The following RBMS1 variants were observed in gnomAD, a reference collection of about 807,000 sequenced individuals.
RBMS1 encodes the protein RNA-binding motif, single-stranded-interacting protein 1.
RBMS1 carries 17 observed loss-of-function variants against 62.3 expected under a neutral mutation model. The observed-to-expected ratio is 0.27, with a 90% CI of 0.19 to 0.41. RBMS1 has a LOEUF of 0.41. Among genes scored for constraint, RBMS1 ranks in the 10% least tolerant of loss-of-function variants. RBMS1 has a pLI of 1.00. For synonymous variants in RBMS1, 172 were observed against 170.0 expected (o/e 1.01, Z -0.09); for missense variants, 334 against 504.5 (o/e 0.66, Z 3.24).
intron 1 of RBMS1, among the ~76,000 whole-genome samples, chr2:160,383,005 A>C (rs547870862): frequency 6.6e-6 from 1 of 152,322 alleles, no homozygotes; most frequent in African/African-American, 2.4e-5. Flanking sequence ...CTGTACATGG[A>C]CATGAACCTA....
At chr2:160,424,370 G>GGC (rs1553522159) in intron 1 of RBMS1, among the ~76,000 whole-genome samples, 3 of 148,650 alleles carry the variant, frequency 2.0e-5, no homozygotes, top group African/African-American at 7.6e-5. Context: ...GAGATTGGGG[G>GGC]GGGGGGGAAA....
intron 1 of RBMS1, among the ~76,000 whole-genome samples, chr2:160,383,441 T>A (rs541602673): frequency 2.5e-5 from 2 of 79,658 alleles, no homozygotes; most frequent in African/African-American, 8.8e-5. Context: ...GGGGTTCTGG[T>A]TAGACATGAA....
At chr2:160,465,953 G>C (rs1469726684) in intron 1 of RBMS1, among the ~76,000 whole-genome samples, 1 of 151,558 alleles carries the variant, frequency 6.6e-6, no homozygotes. Context: ...CTTCCACACA[G>C]CCTCCCTGTC....
chr2:160,479,995 A>G (rs748347224), intron 1 of RBMS1, among the ~76,000 whole-genome samples: 1 of 152,196 alleles, frequency 6.6e-6, no homozygotes, highest in Admixed American at 6.5e-5. Flanking sequence ...ACATATATAT[A>G]TAAGATTTTT....
intron 2 of RBMS1, among the ~76,000 whole-genome samples, chr2:160,330,337 C>T (rs540139539): frequency 6.6e-6 from 1 of 152,236 alleles, no homozygotes; most frequent in South Asian, 2.1e-4. Flanking sequence ...TAGCTCTGTT[C>T]TTGGCCAGCA....
intron 1 of RBMS1, among the ~76,000 whole-genome samples, chr2:160,391,849 ATGCT>A (rs751511331): frequency 1.4e-4 from 22 of 152,048 alleles, no homozygotes; most frequent in Non-Finnish European, 2.5e-4. Context: ...GTGGTGGCAC[ATGCT>A]TGTAGTCTCA....
chr2:160,420,311 G>C (rs888967336), intron 1 of RBMS1, among the ~76,000 whole-genome samples: 13 of 152,080 alleles, frequency 8.5e-5, no homozygotes, highest in Non-Finnish European at 1.3e-4. Context: ...GCTTTGCCAG[G>C]AAACAGCCTC....
chr2:160,474,509 C>T, intron 1 of RBMS1, among the ~76,000 whole-genome samples: 1 of 152,146 alleles, frequency 6.6e-6, no homozygotes, highest in African/African-American at 2.4e-5. Flanking sequence ...AGAAACACCA[C>T]CTCTCAATAG....
chr2:160,301,337 A>G (rs772901956), intron 5 of RBMS1, among the ~76,000 whole-genome samples: 6 of 152,192 alleles, frequency 3.9e-5, no homozygotes, highest in South Asian at 2.1e-4. Context: ...GTCAATTCCT[A>G]TAGGTGGCTG....
intron 10 of RBMS1, among the ~76,000 whole-genome samples, chr2:160,280,792 T>C (rs992324534): frequency 2.6e-5 from 4 of 152,116 alleles, no homozygotes; most frequent in South Asian, 2.1e-4. Context: ...AAATACACTA[T>C]ATAATAAGTA....
intron 2 of RBMS1, among the ~76,000 whole-genome samples, chr2:160,346,967 T>C (rs140561998): frequency 6.6e-6 from 1 of 152,136 alleles, no homozygotes; most frequent in Middle Eastern, 3.2e-3. Context: ...AGAAACTTCA[T>C]TGTTTCCTTT....
chr2:160,413,591 T>C (rs187752144), intron 1 of RBMS1, among the ~76,000 whole-genome samples: 71 of 152,296 alleles, frequency 4.7e-4, no homozygotes, highest in Admixed American at 1.6e-3. Flanking sequence ...CTAGAAGGTA[T>C]AGAGAACAAT....
At chr2:160,432,071 TG>T (rs1209774974) in intron 1 of RBMS1, among the ~76,000 whole-genome samples, 1 of 152,200 alleles carries the variant, frequency 6.6e-6, no homozygotes. Flanking sequence ...TTATTGAACA[TG>T]AATCTATTAT....
intron 1 of RBMS1, among the ~76,000 whole-genome samples, chr2:160,438,072 A>G (rs7424939): frequency 0.21 from 32,200 of 152,140 alleles, 4,015 homozygotes; most frequent in Admixed American, 0.37. Flanking sequence ...CTGGAAGGGA[A>G]GAAGTCACTT....
At chr2:160,470,611 T>C (rs908321664) in intron 1 of RBMS1, among the ~76,000 whole-genome samples, 4 of 151,628 alleles carry the variant, frequency 2.6e-5, no homozygotes, top group African/African-American at 4.8e-5. Context: ...GAACATTTTT[T>C]ATCTTTCCTG....
chr2:160,275,021 T>C (rs184153211), intron 13 of RBMS1, among the ~76,000 whole-genome samples: 1 of 152,150 alleles, frequency 6.6e-6, no homozygotes, highest in South Asian at 2.1e-4. Flanking sequence ...CTTTATGAAA[T>C]CAAAAATACA....
At chr2:160,392,767 C>A (rs919448075) in intron 1 of RBMS1, among the ~76,000 whole-genome samples, 2 of 152,022 alleles carry the variant, frequency 1.3e-5, no homozygotes, top group African/African-American at 4.8e-5. Flanking sequence ...TGGTGTGTGC[C>A]TGCGGTCCCA....
At chr2:160,330,949 C>T (rs1333424658) in intron 2 of RBMS1, among the ~76,000 whole-genome samples, 1 of 152,130 alleles carries the variant, frequency 6.6e-6, no homozygotes, top group African/African-American at 2.4e-5. Context: ...GAGATGTGAA[C>T]AGAGACACAT....
chr2:160,476,585 C>T (rs1247097220), intron 1 of RBMS1, among the ~76,000 whole-genome samples: 2 of 134,068 alleles, frequency 1.5e-5, no homozygotes, highest in Non-Finnish European at 3.1e-5. Flanking sequence ...GACAGAGTCT[C>T]GCTCTGTCGC....
Sources: gnomAD v4.1 joint callset for allele counts (sites outside exome capture counted in the v4.1 genomes callset) on GRCh38, gnomAD v4.1.1 for gene constraint, MANE v1.5 for transcripts, NCBI Gene and HGNC (gene_info 2026-07-23, HGNC 2026-07-21) for gene names.